Variants in GFOD1 observed in about 807,000 individuals in gnomAD.
The protein encoded by GFOD1 is Gfo/Idh/MocA-like oxidoreductase domain containing 1.
In GFOD1, 9 loss-of-function variants were observed where a neutral mutation model predicts 25.4. The ratio of observed to expected loss-of-function variants is 0.35; its 90% CI spans 0.21 to 0.62. The LOEUF (loss-of-function observed/expected upper bound fraction) is 0.62, where lower values mean the gene tolerates loss of function less well. Ranked by LOEUF, GFOD1 falls within the 20% of genes least tolerant of loss-of-function variation. The probability of loss-of-function intolerance (pLI) is 0.72; values close to 1 mark genes in which losing one functional copy is unlikely to be tolerated. For missense variants in GFOD1, 403 were observed against 556.9 expected, an observed-to-expected ratio of 0.72 and a Z score of 2.78; for synonymous variants, 253 against 245.6, an observed-to-expected ratio of 1.03 and a Z score of -0.28.
At chr6:13,449,161 C>A (rs1165605418) in intron 1 of GFOD1, among the ~76,000 whole-genome samples, 1 of 152,152 alleles carries the variant, frequency 6.6e-6, no homozygotes, top group African/African-American at 2.4e-5. Flanking sequence ...CATGGTGGCA[C>A]ATGCCTACAG....
At chr6:13,425,907 A>G (rs1168694694) in intron 1 of GFOD1, among the ~76,000 whole-genome samples, 3 of 152,008 alleles carry the variant, frequency 2.0e-5, no homozygotes, top group African/African-American at 7.2e-5. Flanking sequence ...AAAGAAAAAG[A>G]AACTCGCAGA....
At chr6:13,444,679 A>G (rs1757975065) in intron 1 of GFOD1, among the ~76,000 whole-genome samples, 1 of 152,208 alleles carries the variant, frequency 6.6e-6, no homozygotes, top group Non-Finnish European at 1.5e-5. Context: ...GGAAACTTAA[A>G]AATAAAAAAA....
intron 1 of GFOD1, among the ~76,000 whole-genome samples, chr6:13,366,649 A>G (rs1309187022): frequency 6.6e-6 from 1 of 151,816 alleles, no homozygotes; most frequent in African/African-American, 2.4e-5. Flanking sequence ...TTTTTTTTAA[A>G]AGAGATGGGG....
chr6:13,411,516 TC>T (rs1212716165), intron 1 of GFOD1, among the ~76,000 whole-genome samples: 1 of 152,164 alleles, frequency 6.6e-6, no homozygotes, highest in Non-Finnish European at 1.5e-5. Flanking sequence ...GGTCTCGATC[TC>T]CTGACCTCAA....
chr6:13,393,825 G>T (rs1785670104), intron 1 of GFOD1, among the ~76,000 whole-genome samples: 1 of 134,046 alleles, frequency 7.5e-6, no homozygotes, highest in Admixed American at 9.6e-5. Flanking sequence ...TGCCGCCCAG[G>T]CTGGAGTACA....
Position 13,430,551 on chromosome 6 carries a change from T to C in GFOD1, c.253+56087A>G, listed in dbSNP as rs1367697788. 6.6e-6 allele frequency among the ~76,000 whole-genome samples: 1 copy of C among 152,096 alleles called. No homozygotes were observed. Among genetic ancestry groups the C allele is most frequent in the African/African-American group, 2.4e-5 (1 of 41,398 alleles). Reference sequence around the variant, plus strand: ...ATCAAGCATAAACAGAGTGCAGGGATTGGCCACAGTGTTATCCATATTCTC... The same window carrying C: ...ATCAAGCATAAACAGAGTGCAGGGACTGGCCACAGTGTTATCCATATTCTC... On this transcript the variant is annotated intron_variant, in intron 1 of 1. Transcript: ENST00000379287. The surrounding 1 kb of genome is among the most constrained non-coding windows in gnomAD (Gnocchi z 4.1).
At chr6:13,441,787 G>A (rs1757920160) in intron 1 of GFOD1, among the ~76,000 whole-genome samples, 1 of 152,100 alleles carries the variant, frequency 6.6e-6, no homozygotes, top group Non-Finnish European at 1.5e-5. Flanking sequence ...ATTAAATACT[G>A]AAGTAAATGT....
rs140569048 is a variant in GFOD1, at chr6:13,469,833, G to A, written c.253+16805C>T. On this transcript the variant is annotated intron_variant, in intron 1 of 1. Coordinates refer to ENST00000379287, the MANE Select transcript of GFOD1 (RefSeq NM_018988.4). Reference sequence around the variant, plus strand: ...ATGGAGATGCTAAATGTCCACATTGGAGGTTGGCCATGAGACGTAAATGAG... The same window carrying A: ...ATGGAGATGCTAAATGTCCACATTGAAGGTTGGCCATGAGACGTAAATGAG... 1.3e-4 allele frequency: 151 copies of A among 1,136,582 alleles called. No individual in the cohort carries two copies. The African/African-American group carries it at 2.0e-3, about 15-fold the overall frequency. 70.4% of individuals were successfully genotyped at this position (1,136,582 alleles called of 1,614,324 possible).
chr6:13,462,624 G>A (rs906494771), intron 1 of GFOD1, among the ~76,000 whole-genome samples: 14 of 152,126 alleles, frequency 9.2e-5, no homozygotes, highest in African/African-American at 3.1e-4. Context: ...CTGACAGTGA[G>A]GAGGAAATCA....
chr6:13,392,461 T>C (rs1309173286), intron 1 of GFOD1, among the ~76,000 whole-genome samples: 1 of 152,146 alleles, frequency 6.6e-6, no homozygotes, highest in African/African-American at 2.4e-5. Flanking sequence ...TTAATTACTT[T>C]TTTTTTTAAT....
At chr6:13,454,677 A>C (rs1344752128) in intron 1 of GFOD1, among the ~76,000 whole-genome samples, 2 of 152,178 alleles carry the variant, frequency 1.3e-5, no homozygotes, top group African/African-American at 4.8e-5. Flanking sequence ...ACACTCACAC[A>C]TCAGCCACAA....
intron 1 of GFOD1, among the ~76,000 whole-genome samples, chr6:13,368,504 T>G (rs1175993299): frequency 2.0e-5 from 3 of 152,132 alleles, no homozygotes; most frequent in African/African-American, 7.2e-5. Flanking sequence ...CAGGAACAGA[T>G]TTATATGTAA....
Position 13,365,408 on chromosome 6 carries a change from C to T in GFOD1, c.508G>A (p.Gly170Ser), listed in dbSNP as rs373777103. ...GTGCCCACGGAGTGCAGGCCGCCGC[C>T]GCCCATCAAGTCGTCGCAGCTCCAG... Reference protein sequence around the residue: ...YNWSCDDLMGGGGLHSVGTYI... With the variant: ...YNWSCDDLMGSGGLHSVGTYI... The change falls in exon 2 of 2, where the codon GGC becomes AGC. Residue 170 changes from glycine (G) to serine (S), a missense_variant. Coordinates refer to ENST00000379287, the MANE Select transcript of GFOD1 (RefSeq NM_018988.4). This position sits in a 1 kb window ranked among gnomAD's most constrained non-coding sequence, Gnocchi z 9.2. 10 of 1,613,868 alleles carry T rather than the reference C, an allele frequency of 6.2e-6. No individual in the cohort carries two copies. Among genetic ancestry groups the T allele is most frequent in the Non-Finnish European group, 8.5e-7 (1 of 1,179,976 alleles).
At chr6:13,452,577 A>C (rs761225644) in intron 1 of GFOD1, among the ~76,000 whole-genome samples, 26 of 152,210 alleles carry the variant, frequency 1.7e-4, no homozygotes, top group Non-Finnish European at 3.1e-4. Context: ...TCCTCACAGC[A>C]ACATATAAAT....
chr6:13,485,536 G>C (rs1758845230), intron 1 of GFOD1, among the ~76,000 whole-genome samples: 5 of 151,984 alleles, frequency 3.3e-5, no homozygotes, highest in Admixed American at 2.6e-4. Context: ...CATTTTCTTG[G>C]AATTGTAAGA....
At chr6:13,462,693 GA>G (rs1276691882) in intron 1 of GFOD1, among the ~76,000 whole-genome samples, 1 of 152,180 alleles carries the variant, frequency 6.6e-6, no homozygotes, top group Non-Finnish European at 1.5e-5. Context: ...TGAGGTCAGT[GA>G]AATCATAGGT....
At chr6:13,473,160 T>C (rs1268126776) in intron 1 of GFOD1, among the ~76,000 whole-genome samples, 1 of 152,172 alleles carries the variant, frequency 6.6e-6, no homozygotes, top group Non-Finnish European at 1.5e-5. Flanking sequence ...AGGAGATTAT[T>C]GCATCCTTGC....
chr6:13,392,189 C>T (rs942677714), intron 1 of GFOD1, among the ~76,000 whole-genome samples: 4 of 151,730 alleles, frequency 2.6e-5, no homozygotes, highest in African/African-American at 9.7e-5. Context: ...AACAAGATGC[C>T]ACCTCTACTA....
chr6:13,464,249 G>A (rs1458848693), intron 1 of GFOD1, among the ~76,000 whole-genome samples: 7 of 152,148 alleles, frequency 4.6e-5, no homozygotes, highest in African/African-American at 1.7e-4. Context: ...ACACAGCCAG[G>A]CAAGTGGAAG....
Sources: gnomAD v4.1 joint callset for allele counts (sites outside exome capture counted in the v4.1 genomes callset) on GRCh38, gnomAD v4.1.1 for gene constraint, Gnocchi (gnomAD v3.1) non-coding constraint, MANE v1.5 for transcripts, NCBI Gene and HGNC (gene_info 2026-07-23, HGNC 2026-07-21) for gene names.